GSE1: variants seen among roughly 807,000 people sequenced by gnomAD.
GSE1 encodes genetic suppressor element 1.
A neutral mutation model predicts 112.6 loss-of-function variants in GSE1; 32 were observed. The ratio of observed to expected loss-of-function variants is 0.28; its 90% CI spans 0.21 to 0.38. The LOEUF is 0.38. Ranked by LOEUF, GSE1 falls within the 10% of genes least tolerant of loss-of-function variation. The pLI is 1.00. For missense variants in GSE1, 2,348 were observed against 1,699.2 expected, an observed-to-expected ratio of 1.38 and a Z score of -6.71; for synonymous variants, 1,115 against 735.6, an observed-to-expected ratio of 1.52 and a Z score of -8.35.
intron 1 of GSE1, among the ~76,000 whole-genome samples, chr16:85,260,210 C>T (rs1239091703): frequency 6.6e-6 from 1 of 152,162 alleles, no homozygotes; most frequent in African/African-American, 2.4e-5. Flanking sequence ...GGACACCTGA[C>T]AGTCTAGTTG....
At chr16:85,333,953 G>A in intron 1 of GSE1, among the ~76,000 whole-genome samples, 1 of 152,186 alleles carries the variant, frequency 6.6e-6, no homozygotes, top group East Asian at 1.9e-4. Context: ...TACGCCTTTG[G>A]CCTTTCCTGC....
At chr16:85,216,498 A>G (rs1051803333) in intron 1 of GSE1, among the ~76,000 whole-genome samples, 7 of 152,162 alleles carry the variant, frequency 4.6e-5, no homozygotes. Context: ...TAGCTAATAT[A>G]ATATTTTTTA....
chr16:85,286,419 T>C (rs1396780549), intron 1 of GSE1, among the ~76,000 whole-genome samples: 1 of 152,246 alleles, frequency 6.6e-6, no homozygotes, highest in Non-Finnish European at 1.5e-5. Flanking sequence ...CTCAAATTGC[T>C]GCCGCAGTCC....
chr16:85,332,887 C>T (rs1473469620), intron 1 of GSE1, among the ~76,000 whole-genome samples: 1 of 152,054 alleles, frequency 6.6e-6, no homozygotes, highest in African/African-American at 2.4e-5. Context: ...GGATGCTGTC[C>T]CACCTCAGAA....
chr16:85,330,731 G>T (rs930273289), intron 1 of GSE1, among the ~76,000 whole-genome samples: 5 of 152,228 alleles, frequency 3.3e-5, no homozygotes, highest in Admixed American at 2.6e-4. Flanking sequence ...GGATCCCAGA[G>T]TCTGCCCCTC....
chr16:85,244,280 C>T (rs989985673), intron 1 of GSE1, among the ~76,000 whole-genome samples: 8 of 152,024 alleles, frequency 5.3e-5, no homozygotes, highest in African/African-American at 1.2e-4. Flanking sequence ...AGGCACTCAC[C>T]TGGCATCGCT....
chr16:85,489,818 G>A (rs2050955249), intron 2 of GSE1: 1 of 152,302 alleles, frequency 6.6e-6, no homozygotes, highest in South Asian at 2.1e-4. Context: ...ATGGGACTAG[G>A]GTGGGCCCTA....
chr16:85,182,512 T>C (rs55713901), intron 1 of GSE1, among the ~76,000 whole-genome samples: 18,601 of 152,240 alleles, frequency 0.12, 1,311 homozygotes, highest in Middle Eastern at 0.24. Context: ...AACTGCGTTT[T>C]CTTCCTGATT....
chr16:85,572,599 C>T (rs1342590389), intron 1 of GSE1, among the ~76,000 whole-genome samples: 1 of 152,170 alleles, frequency 6.6e-6, no homozygotes, highest in South Asian at 2.1e-4. Context: ...GCACAGTGTG[C>T]CTTGCCTTCT....
chr16:85,249,450 C>A (rs972651357), intron 1 of GSE1, among the ~76,000 whole-genome samples: 2 of 152,250 alleles, frequency 1.3e-5, no homozygotes, highest in African/African-American at 4.8e-5. Flanking sequence ...CTGCCGTCAG[C>A]CCGTTTCAGA....
intron 1 of GSE1, among the ~76,000 whole-genome samples, chr16:85,304,201 C>A (rs1719862996): frequency 6.6e-6 from 1 of 152,232 alleles, no homozygotes; most frequent in African/African-American, 2.4e-5. Flanking sequence ...AGCCAGCCGT[C>A]CTGCTTTATG....
At chr16:85,241,502 A>AT (rs954009830) in intron 1 of GSE1, among the ~76,000 whole-genome samples, 30 of 151,806 alleles carry the variant, frequency 2.0e-4, no homozygotes, top group Non-Finnish European at 4.0e-4. Context: ...GGAGTTGGTT[A>AT]TTTTTTTTCA....
At chr16:85,267,183 C>G (rs1411908519) in intron 1 of GSE1, among the ~76,000 whole-genome samples, 3 of 152,186 alleles carry the variant, frequency 2.0e-5, no homozygotes, top group Admixed American at 1.3e-4. Context: ...CTGGCCTCCC[C>G]TGAGACTCCC....
chr16:85,181,053 C>G (rs1205345684), intron 1 of GSE1, among the ~76,000 whole-genome samples: 3 of 152,208 alleles, frequency 2.0e-5, no homozygotes, highest in Non-Finnish European at 4.4e-5. Flanking sequence ...TGATGTTGAA[C>G]TTGGAAAGCT....
intron 1 of GSE1, among the ~76,000 whole-genome samples, chr16:85,247,409 A>G (rs1189457592): frequency 1.3e-5 from 2 of 152,196 alleles, no homozygotes; most frequent in African/African-American, 4.8e-5. Context: ...GAGCAGAGGA[A>G]GGTGGCTTGG....
At chr16:85,529,052 C>T (rs1428729219) in intron 2 of GSE1, among the ~76,000 whole-genome samples, 1 of 152,190 alleles carries the variant, frequency 6.6e-6, no homozygotes, top group African/African-American at 2.4e-5. Flanking sequence ...CCTCAGGCTG[C>T]AGTACTGAGA....
intron 1 of GSE1, among the ~76,000 whole-genome samples, chr16:85,183,098 C>T (rs11640027): frequency 0.4 from 61,352 of 151,980 alleles, 13,413 homozygotes; most frequent in Middle Eastern, 0.56. Flanking sequence ...CATGCGTGCT[C>T]TTCCATGCAC....
chr16:85,503,399 C>A (rs8056492), intron 2 of GSE1, among the ~76,000 whole-genome samples: 2 of 151,946 alleles, frequency 1.3e-5, no homozygotes, highest in African/African-American at 4.8e-5. Context: ...CCTCCTCCTC[C>A]TCCTCACAAA....
chr16:85,222,395 G>A (rs950166212), intron 1 of GSE1, among the ~76,000 whole-genome samples: 1 of 152,226 alleles, frequency 6.6e-6, no homozygotes, highest in East Asian at 1.9e-4. Context: ...TATGCCCCCT[G>A]CTTGCGTGAA....
Sources: allele counts gnomAD v4.1 joint callset (sites outside exome capture counted in the v4.1 genomes callset), GRCh38; gene constraint gnomAD v4.1.1; transcripts MANE v1.5; gene names NCBI Gene and HGNC (gene_info 2026-07-23, HGNC 2026-07-21).